Variants in OR9K2 observed in about 807,000 individuals in gnomAD.
The protein encoded by OR9K2 is olfactory receptor 9K2.
OR9K2 carries 16 observed loss-of-function variants against 12.4 expected under a neutral mutation model. That is an observed-to-expected ratio of 1.29 (90% CI 0.87 to 1.95). OR9K2 has a LOEUF of 1.95. Among genes scored for constraint, OR9K2 ranks in the 30% most tolerant of loss-of-function variants. The pLI is 0.00. For missense variants in OR9K2, 434 were observed against 376.5 expected (o/e 1.15, Z -1.26); for synonymous variants, 133 against 133.2 (o/e 1.00, Z 0.01).
Position 55,130,067 on chromosome 12 carries a change from C to T in OR9K2, c.233C>T (p.Ser78Phe). Reference protein sequence around the residue: ...NLSFIDLFYSSVIEPKAMINF... With the variant: ...NLSFIDLFYSFVIEPKAMINF... The stretch of plus-strand genomic sequence containing the variant: ...TCCTTCATTGATCTTTTCTATTCAT[C>T]TGTTATTGAACCCAAGGCTATGATC... The change falls in exon 3 of 3, where the codon TCT becomes TTT. Residue 78 changes from serine (S) to phenylalanine (F), a missense_variant. Transcript: ENST00000641329. 6.2e-7 allele frequency: 1 copy of T among 1,612,584 alleles called. No homozygotes were observed.
At chr12:55,129,725 A>T (rs750890162) in intron 2 of OR9K2, 101 bp from the exon 3 acceptor site, 5 of 1,396,474 alleles carry the variant, frequency 3.6e-6, no homozygotes, top group Non-Finnish European at 4.9e-6. Flanking sequence ...ACATTAATTT[A>T]AAAATAGCTT....
At position 55,127,041 on chromosome 12, in the gene OR9K2, T is replaced by C. The variant is rs530985903; in HGVS notation, c.-10+130T>C. Reference sequence around the variant, plus strand: ...CATCAGCAATGCATTTATTAACATTTATAATGTTACAATGTTTATAACATT... The same window carrying C: ...CATCAGCAATGCATTTATTAACATTCATAATGTTACAATGTTTATAACATT... On this transcript the variant is annotated intron_variant, in intron 2 of 2. Coordinates refer to ENST00000641329, the MANE Select transcript of OR9K2 (RefSeq NM_001005243.2). 2.0e-4 allele frequency: 31 copies of C among 152,192 alleles called. 1 individual carries two copies. The highest frequency in any genetic ancestry group is 7.0e-4 in the African/African-American group (29 of 41,566). The allele number at this position is 152,192 out of a possible 1,614,324, so 9.4% of individuals were successfully genotyped here.
rs1479935415 is a variant in OR9K2 at position 55,126,810 on chromosome 12, T to C, written c.-93-18T>C. On this transcript the variant is annotated intron_variant, in intron 1 of 2. Transcript: ENST00000641329. ...AATTATGACAGTCATTAATTAACTTTATGTTTATCCTTTCTAGAATTAAAA... is the reference window on the plus strand; with the variant it reads ...AATTATGACAGTCATTAATTAACTTCATGTTTATCCTTTCTAGAATTAAAA... The C allele has an allele frequency of 3.9e-5, 6 of 152,126 alleles. No homozygotes were observed. Among genetic ancestry groups the C allele is most frequent in the Admixed American group, 2.6e-4 (4 of 15,258 alleles). The allele number at this position is 152,126 out of a possible 1,614,324, so 9.4% of individuals were successfully genotyped here.
At chr12:55,126,706 A>G (rs536378700) in intron 1 of OR9K2, 122 bp from the exon 2 acceptor site, 2 of 152,318 alleles carry the variant, frequency 1.3e-5, no homozygotes, top group South Asian at 4.1e-4. Flanking sequence ...TATGGGAAGA[A>G]TCTAAAACTG....
chr12:55,128,396 G>C (rs575811981), intron 2 of OR9K2, among the ~76,000 whole-genome samples: 1 of 151,570 alleles, frequency 6.6e-6, no homozygotes, highest in South Asian at 2.1e-4. Flanking sequence ...ATTTAAAGTT[G>C]ATATAGTACA....
intron 2 of OR9K2, among the ~76,000 whole-genome samples, chr12:55,127,907 C>T (rs906185721): frequency 1.3e-5 from 2 of 151,978 alleles, no homozygotes; most frequent in South Asian, 2.1e-4. Flanking sequence ...CTTATTTCCA[C>T]TTTATATATG....
intron 1 of OR9K2, 80 bp from the exon 2 acceptor site, chr12:55,126,748 T>C (rs1000944708): frequency 2.0e-5 from 3 of 152,152 alleles, no homozygotes; most frequent in Non-Finnish European, 4.4e-5. Flanking sequence ...GGGGAATGAT[T>C]CATTTTATTT....
Position 55,130,954 on chromosome 12 carries a change from A to C in OR9K2, c.*178A>C. 2.0e-6 allele frequency: 1 copy of C among 510,560 alleles called. No individual in the cohort carries two copies. Among genetic ancestry groups the C allele is most frequent in the Non-Finnish European group, 3.4e-6 (1 of 290,194 alleles). The allele number at this position is 510,560 out of a possible 1,614,324, so 31.6% of individuals were successfully genotyped here. On this transcript the variant is annotated 3_prime_UTR_variant, in exon 3 of 3. Coordinates refer to ENST00000641329, the MANE Select transcript of OR9K2 (RefSeq NM_001005243.2). Reference sequence around the variant, plus strand: ...ACATCATTAATTCTGAAAATCTTGGATATTGGAGATATCCTGGACATTAGA... The same window carrying C: ...ACATCATTAATTCTGAAAATCTTGGCTATTGGAGATATCCTGGACATTAGA...
chr12:55,129,099 CTG>C (rs1179920584), intron 2 of OR9K2, among the ~76,000 whole-genome samples: 3 of 152,102 alleles, frequency 2.0e-5, no homozygotes, highest in African/African-American at 7.2e-5. Context: ...ACTTGCACCC[CTG>C]AACTTAGAAG....
intron 2 of OR9K2, among the ~76,000 whole-genome samples, chr12:55,127,495 C>T (rs1489868333): frequency 1.3e-5 from 2 of 151,950 alleles, no homozygotes; most frequent in Non-Finnish European, 2.9e-5. Context: ...GCTCTTACTA[C>T]TTCTTAATTA....
At position 55,130,431 on chromosome 12, in the gene OR9K2, AATG is replaced by A; in HGVS notation, c.600_602del (p.Met200del). On this transcript the variant is annotated inframe_deletion, in exon 3 of 3. Transcript: ENST00000641329. ...CTTGTTCTGATCTCTTTATCCATAG[AATG>A]ATATCTTTTTCCTTATCATGTATTA... The A allele has an allele frequency of 1.9e-6, 3 of 1,613,808 alleles. No individual in the cohort carries two copies. The highest frequency in any genetic ancestry group is 2.5e-6 in the Non-Finnish European group (3 of 1,179,894).
intron 2 of OR9K2, among the ~76,000 whole-genome samples, chr12:55,127,354 T>G (rs1953435837): frequency 6.6e-6 from 1 of 151,778 alleles, no homozygotes; most frequent in South Asian, 2.1e-4. Context: ...TGCTTCTAGA[T>G]GAGAATAAAA....
In OR9K2 at chr12:55,126,849, A is replaced by G. The variant is rs1362085897; in HGVS notation, c.-72A>G. On this transcript the variant is annotated 5_prime_UTR_variant, in exon 2 of 3. Coordinates refer to ENST00000641329, the MANE Select transcript of OR9K2 (RefSeq NM_001005243.2). ...CTAGAATTAAAACAATAAACAGAGGAAAACATTGGAACTCTGCTGATTGAT... is the reference window on the plus strand; with the variant it reads ...CTAGAATTAAAACAATAAACAGAGGGAAACATTGGAACTCTGCTGATTGAT... The G allele has an allele frequency of 3.3e-5, 5 of 152,066 alleles. No homozygotes were observed. The highest frequency in any genetic ancestry group is 7.4e-5 in the Non-Finnish European group (5 of 67,968). The allele number at this position is 152,066 out of a possible 1,614,324, so 9.4% of individuals were successfully genotyped here.
In OR9K2 at chr12:55,130,553, C is replaced by G. The variant is rs1364373532; in HGVS notation, c.719C>G (p.Ala240Gly). Reference sequence around the variant, plus strand: ...CATTCTACTGAGGGACATAAGAAGGCCTTCTCCACCTGCAGCTCTCACCTG... The same window carrying G: ...CATTCTACTGAGGGACATAAGAAGGGCTTCTCCACCTGCAGCTCTCACCTG... ...KIHSTEGHKK[A>G]FSTCSSHLGV... The change falls in exon 3 of 3, where the codon GCC becomes GGC. Residue 240 changes from alanine (A) to glycine (G), a missense_variant. By Grantham distance (60) the Ala-to-Gly change is moderately conservative. Transcript: ENST00000641329. 1 of 1,613,698 alleles carries G rather than the reference C, an allele frequency of 6.2e-7. No homozygotes were observed. Among genetic ancestry groups the G allele is most frequent in the Non-Finnish European group, 8.5e-7 (1 of 1,179,704 alleles).
Position 55,130,379 on chromosome 12 carries a change from G to T in OR9K2, c.545G>T (p.Cys182Phe). The T allele has an allele frequency of 6.2e-7, 1 of 1,613,944 alleles. No homozygotes were observed. The highest frequency in any genetic ancestry group is 8.5e-7 in the Non-Finnish European group (1 of 1,179,950). ...TCTCGGGCTGTTGACCACTTTTACTGTGATTCTCGCCCACTTCAGAGACTG... is the reference window on the plus strand; with the variant it reads ...TCTCGGGCTGTTGACCACTTTTACTTTGATTCTCGCCCACTTCAGAGACTG... ...CASRAVDHFY[C>F]DSRPLQRLSC... The change falls in exon 3 of 3, where the codon TGT becomes TTT. Residue 182 changes from cysteine (C) to phenylalanine (F), a missense_variant. Coordinates refer to ENST00000641329, the MANE Select transcript of OR9K2 (RefSeq NM_001005243.2).
In OR9K2 at chr12:55,130,075, G is replaced by A. The variant is rs1953459304; in HGVS notation, c.241G>A (p.Glu81Lys). 3 of 1,612,476 alleles carry A rather than the reference G, an allele frequency of 1.9e-6. No individual in the cohort carries two copies. The highest frequency in any genetic ancestry group is 3.3e-4 in the Middle Eastern group (2 of 6,060). The change falls in exon 3 of 3, where the codon GAA becomes AAA. Residue 81 changes from glutamate to lysine, a missense_variant. Physicochemically the swap from Glu to Lys is moderately conservative, Grantham distance 56. Coordinates refer to ENST00000641329, the MANE Select transcript of OR9K2 (RefSeq NM_001005243.2). Reference sequence around the variant, plus strand: ...TGATCTTTTCTATTCATCTGTTATTGAACCCAAGGCTATGATCAACTTCTG... The same window carrying A: ...TGATCTTTTCTATTCATCTGTTATTAAACCCAAGGCTATGATCAACTTCTG... ...FIDLFYSSVIEPKAMINFWSE... is the reference protein window; with the variant it reads ...FIDLFYSSVIKPKAMINFWSE...
chr12:55,129,307 C>A (rs1217758302), intron 2 of OR9K2, among the ~76,000 whole-genome samples: 1 of 151,930 alleles, frequency 6.6e-6, no homozygotes, highest in Non-Finnish European at 1.5e-5. Flanking sequence ...AAGGTAATTG[C>A]ACTTCTCAAG....
rs1298730115 is a variant in OR9K2 at position 55,130,697 on chromosome 12, C to T, written c.863C>T (p.Pro288Leu). ...TCCCTAGTCACTCCCATGTTGAATCCTTTGATTTACTCTCTGAGGAACAAA... is the reference window on the plus strand; with the variant it reads ...TCCCTAGTCACTCCCATGTTGAATCTTTTGATTTACTCTCTGAGGAACAAA... ...CYSLVTPMLN[P>L]LIYSLRNKDV... is the part of the protein sequence containing the mutation. The change falls in exon 3 of 3, where the codon CCT becomes CTT. Residue 288 changes from proline to leucine, a missense_variant. Transcript: ENST00000641329. 2 of 1,611,346 alleles carry T rather than the reference C, an allele frequency of 1.2e-6. No homozygotes were observed. The highest frequency in any genetic ancestry group is 1.1e-5 in the South Asian group (1 of 91,008).
chr12:55,128,728 A>C (rs934663071), intron 2 of OR9K2, among the ~76,000 whole-genome samples: 3 of 152,140 alleles, frequency 2.0e-5, no homozygotes, highest in African/African-American at 4.8e-5. Flanking sequence ...TATTGTTAAC[A>C]TACGAAGTTA....
Sources: gnomAD v4.1 joint callset for allele counts (sites outside exome capture counted in the v4.1 genomes callset) on GRCh38, gnomAD v4.1.1 for gene constraint, MANE v1.5 for transcripts, NCBI Gene and HGNC (gene_info 2026-07-23, HGNC 2026-07-21) for gene names.